Variants in STAU1 observed in about 807,000 individuals in gnomAD.
STAU1 encodes staufen double-stranded RNA binding protein 1.
A neutral mutation model predicts 62.9 loss-of-function variants in STAU1; 13 were observed. That is an observed-to-expected ratio of 0.21 (90% confidence interval 0.13 to 0.33). The LOEUF (loss-of-function observed/expected upper bound fraction) is 0.33. STAU1 is among the 10% of genes least tolerant of loss of function. The pLI is 1.00. For synonymous variants in STAU1, 269 were observed against 265.1 expected, an observed-to-expected ratio of 1.01 and a Z score of -0.14; for missense variants, 571 against 712.1, an observed-to-expected ratio of 0.80 and a Z score of 2.25.
At chr20:49,200,259 A>G in the STAU1 span, among the ~76,000 whole-genome samples, 1 of 152,182 alleles carries the variant, frequency 6.6e-6, no homozygotes, top group Non-Finnish European at 1.5e-5. Flanking sequence ...TGACTGGATA[A>G]ACAAACTGGT....
intron 5 of STAU1, among the ~76,000 whole-genome samples, chr20:49,141,829 A>G (rs1050084003): frequency 6.6e-6 from 1 of 152,224 alleles, no homozygotes; most frequent in Non-Finnish European, 1.5e-5. Context: ...TCACTATCCT[A>G]AAGTGGGACT....
intron 8 of STAU1, among the ~76,000 whole-genome samples, chr20:49,122,727 C>T (rs985440091): frequency 4.0e-5 from 6 of 151,820 alleles, no homozygotes; most frequent in Admixed American, 3.9e-4. Context: ...ACCATCCTGG[C>T]CAACATGGCG....
At chr20:49,159,118 C>G in intron 3 of STAU1, 2 of 1,109,566 alleles carry the variant, frequency 1.8e-6, no homozygotes, top group Non-Finnish European at 2.2e-6. Flanking sequence ...TGGTGATTGT[C>G]TCATGGATAA....
the STAU1 span, among the ~76,000 whole-genome samples, chr20:49,211,506 T>A: frequency 6.6e-6 from 1 of 151,904 alleles, no homozygotes; most frequent in Non-Finnish European, 1.5e-5. Context: ...CTCAGCCTCC[T>A]TTTTTTCTTT....
chr20:49,140,955 A>G (rs1212817016), intron 5 of STAU1, among the ~76,000 whole-genome samples: 1 of 150,666 alleles, frequency 6.6e-6, no homozygotes, highest in African/African-American at 2.5e-5. Context: ...AAGAGCATCC[A>G]GAGTTTTTTT....
chr20:49,217,909 T>C, the STAU1 span, among the ~76,000 whole-genome samples: 1 of 151,684 alleles, frequency 6.6e-6, no homozygotes, highest in African/African-American at 2.4e-5. Context: ...GTTTCCCTCT[T>C]GTTGCCCAGG....
At chr20:49,165,450 T>C (rs2093511165) in intron 3 of STAU1, among the ~76,000 whole-genome samples, 1 of 152,146 alleles carries the variant, frequency 6.6e-6, no homozygotes, top group African/African-American at 2.4e-5. Context: ...GCAATTATCC[T>C]GCCTCAGCCT....
chr20:49,183,928 A>G (rs2093756255), intron 1 of STAU1, among the ~76,000 whole-genome samples: 1 of 150,806 alleles, frequency 6.6e-6, no homozygotes, highest in Non-Finnish European at 1.5e-5. Flanking sequence ...TGAAGTATAC[A>G]TGCCTTTTTT....
intron 3 of STAU1, among the ~76,000 whole-genome samples, chr20:49,161,292 C>A (rs2093444425): frequency 6.6e-6 from 1 of 152,114 alleles, no homozygotes; most frequent in African/African-American, 2.4e-5. Context: ...ACACCACTCA[C>A]TCCAGCCTAG....
chr20:49,190,690 C>G (rs1030745799), upstream of STAU1, among the ~76,000 whole-genome samples: 1 of 152,106 alleles, frequency 6.6e-6, no homozygotes, highest in African/African-American at 2.4e-5. Flanking sequence ...TTCCAAGGTC[C>G]TGAAGACCTC....
rs1259558355 is a variant in STAU1, at chr20:49,124,522, A to G, written c.675T>C (p.Phe225=). 1 of 1,613,866 alleles carries G rather than the reference A, an allele frequency of 6.2e-7. No individual in the cohort carries two copies. The highest frequency in any genetic ancestry group is 1.3e-5 in the African/African-American group (1 of 74,846). Reference sequence around the variant, plus strand: ...TGCTTTTCCCTTCACCTTCCCCCACAAACTCCCCAACCGAAACCTTGGTCA... The same window carrying G: ...TGCTTTTCCCTTCACCTTCCCCCACGAACTCCCCAACCGAAACCTTGGTCA... ...NFVTKVSVGE[F]VGEGEGKSKK... The change falls in exon 7 of 14, where the codon TTT becomes TTC. Residue 225 remains phenylalanine (F), a synonymous_variant. Transcript: ENST00000371856.
In STAU1 at chr20:49,117,883, G is replaced by C. The variant is rs200673875; in HGVS notation, c.1403C>G (p.Ala468Gly). The change falls in exon 11 of 14, where the codon GCC (alanine) becomes GGC (glycine). Residue 468 changes from alanine to glycine, a missense_variant. Physicochemically the swap from Ala to Gly is moderately conservative, Grantham distance 60. Coordinates refer to ENST00000371856, the MANE Select transcript of STAU1 (RefSeq NM_017453.4). This position sits in a 1 kb window ranked among gnomAD's most constrained non-coding sequence, Gnocchi z 4.6. ...ELLYGGTSPT[A>G]ETILKNNISS... is the part of the protein sequence containing the mutation. ...GATGTTATTCTTTAAAATGGTCTCG[G>C]CTGTGGGCGAGGTGCCCCCATACAA... 6.2e-7 allele frequency: 1 copy of C among 1,614,170 alleles called. No individual in the cohort carries two copies. Among genetic ancestry groups the C allele is most frequent in the Non-Finnish European group, 8.5e-7 (1 of 1,180,036 alleles).
intron 9 of STAU1, among the ~76,000 whole-genome samples, 167 bp from the exon 10 acceptor site, chr20:49,118,575 A>T (rs2092387635): frequency 6.6e-6 from 1 of 152,226 alleles, no homozygotes. Context: ...ACACCTGGGC[A>T]GAGCCTGCCT....
intron 2 of STAU1, among the ~76,000 whole-genome samples, chr20:49,173,128 G>A (rs1231993488): frequency 6.7e-6 from 1 of 149,302 alleles, no homozygotes; most frequent in Non-Finnish European, 1.5e-5. Flanking sequence ...ACAGGCGTGA[G>A]CCACTGCGCC....
the STAU1 span, among the ~76,000 whole-genome samples, chr20:49,218,922 G>A: frequency 2.0e-5 from 3 of 150,508 alleles, no homozygotes; most frequent in East Asian, 5.9e-4. Context: ...AGGCTGAGGC[G>A]GGAGGATCGC....
At position 49,124,507 on chromosome 20, in the gene STAU1, T is replaced by C. The variant is rs1008808010; in HGVS notation, c.690A>G (p.Glu230=). Residue 230 remains glutamate, a synonymous_variant, in exon 7 of 14, where the codon GAA becomes GAG. Transcript: ENST00000371856. ...TCTTTGAAATCTTCTTGCTTTTCCC[T>C]TCACCTTCCCCCACAAACTCCCCAA... The part of the protein sequence containing the change: ...VSVGEFVGEG[E]GKSKKISKKN... 2 of 1,614,004 alleles carry C rather than the reference T, an allele frequency of 1.2e-6. No individual in the cohort carries two copies. Among genetic ancestry groups the C allele is most frequent in the African/African-American group, 2.7e-5 (2 of 74,908 alleles).
intron 1 of STAU1, among the ~76,000 whole-genome samples, chr20:49,184,167 G>A (rs1000986879): frequency 2.0e-5 from 3 of 152,076 alleles, no homozygotes; most frequent in South Asian, 2.1e-4. Context: ...CTGACCTCAG[G>A]TGATCTGCCC....
chr20:49,197,696 T>C, the STAU1 span, among the ~76,000 whole-genome samples: 21 of 151,886 alleles, frequency 1.4e-4, no homozygotes, highest in African/African-American at 5.1e-4. Flanking sequence ...GCCACGGTGC[T>C]GGGCCTACGA....
chr20:49,171,803 C>A (rs2093600896), intron 2 of STAU1, among the ~76,000 whole-genome samples: 1 of 151,856 alleles, frequency 6.6e-6, no homozygotes, highest in African/African-American at 2.4e-5. Context: ...AGGATCATTT[C>A]CAAAATGACC....
Sources: gnomAD v4.1 joint callset for allele counts (sites outside exome capture counted in the v4.1 genomes callset) on GRCh38, gnomAD v4.1.1 for gene constraint, Gnocchi (gnomAD v3.1) non-coding constraint, MANE v1.5 for transcripts, NCBI Gene and HGNC (gene_info 2026-07-23, HGNC 2026-07-21) for gene names.